ANXA6: variants seen among roughly 807,000 people sequenced by gnomAD.
The protein encoded by ANXA6 is 67 kDa calelectrin.
A neutral mutation model predicts 95.4 loss-of-function variants in ANXA6; 71 were observed. The observed-to-expected ratio is 0.74, with a 90% CI of 0.61 to 0.91. The LOEUF (loss-of-function observed/expected upper bound fraction) is 0.91. ANXA6 is among the 40% of genes least tolerant of loss of function. The pLI, the probability that ANXA6 is intolerant of heterozygous loss-of-function variation, is 0.00. For missense variants in ANXA6, 830 were observed against 876.4 expected, an observed-to-expected ratio of 0.95 and a Z score of 0.67; for synonymous variants, 289 against 315.9, an observed-to-expected ratio of 0.91 and a Z score of 0.90.
chr5:151,132,934 A>C (rs1227213586), intron 9 of ANXA6, among the ~76,000 whole-genome samples, 160 bp downstream of exon 9: 3 of 149,682 alleles, frequency 2.0e-5, no homozygotes, highest in East Asian at 2.1e-4. Flanking sequence ...CAAAAACCGC[A>C]GTTACTTTTG....
intron 3 of ANXA6, 138 bp from the exon 4 acceptor site, chr5:151,139,585 G>C (rs1276922737): frequency 1.5e-6 from 1 of 685,224 alleles, no homozygotes; most frequent in Non-Finnish European, 2.6e-6. Context: ...AGGTGCTGGT[G>C]TCAGGGCAGA....
intron 18 of ANXA6, among the ~76,000 whole-genome samples, chr5:151,119,001 C>A (rs1673534971): frequency 6.6e-6 from 1 of 152,158 alleles, no homozygotes; most frequent in South Asian, 2.1e-4. Flanking sequence ...GGCTGTGGGG[C>A]CCTGTAGAAC....
intron 1 of ANXA6, among the ~76,000 whole-genome samples, chr5:151,154,295 G>GTA (rs58268342): frequency 0.012 from 1,633 of 138,644 alleles, 9 homozygotes; most frequent in Non-Finnish European, 0.013. Context: ...GCAGTTTGCA[G>GTA]TATATATATA....
chr5:151,134,517 C>T (rs762984190), intron 7 of ANXA6, 34 bp from the exon 8 acceptor site: 2 of 1,612,442 alleles, frequency 1.2e-6, no homozygotes, highest in African/African-American at 2.7e-5. Context: ...GTGTTTCAAA[C>T]ACTGCAAAGT....
At position 151,103,705 on chromosome 5, in the gene ANXA6, G is replaced by A. The variant is rs1233878542; in HGVS notation, c.1840-13C>T. 6.2e-7 allele frequency: 1 copy of A among 1,604,420 alleles called. No homozygotes were observed. Among genetic ancestry groups the A allele is most frequent in the South Asian group, 1.1e-5 (1 of 89,282 alleles). On this transcript the variant is annotated splice_polypyrimidine_tract_variant and intron_variant, in intron 24 of 25. Transcript: ENST00000354546. Reference sequence around the variant, plus strand: ...CTGTGCCAGCACCCTGGTGGAGCCAGGCAGGAGGGAGACACAGGCGGAAGG... The same window carrying A: ...CTGTGCCAGCACCCTGGTGGAGCCAAGCAGGAGGGAGACACAGGCGGAAGG...
chr5:151,126,298 G>A (rs540901810), intron 14 of ANXA6, 104 bp downstream of exon 14: 15 of 929,104 alleles, frequency 1.6e-5, no homozygotes, highest in African/African-American at 3.3e-5. Flanking sequence ...TCAACGTGTC[G>A]GGTTGGCCGC....
Position 151,137,429 on chromosome 5 carries a change from G to T in ANXA6, c.319-108C>A. ...GCTATGACACCCCAGGACTCAGGAG[G>T]TTCCTACCCAGCTCTTAGGCACTGA... On this transcript the variant is annotated intron_variant, in intron 5 of 25. Coordinates refer to ENST00000354546, the MANE Select transcript of ANXA6 (RefSeq NM_001155.5). The T allele has an allele frequency of 4.0e-6, 3 of 755,762 alleles. No individual in the cohort carries two copies. In the South Asian group the frequency reaches 5.5e-5, roughly 14 times the overall value. The allele number at this position is 755,762 out of a possible 1,614,324, so 46.8% of individuals were successfully genotyped here.
At chr5:151,102,739 G>A (rs1032020759) in intron 25 of ANXA6, among the ~76,000 whole-genome samples, 3 of 151,990 alleles carry the variant, frequency 2.0e-5, no homozygotes, top group Admixed American at 6.6e-5. Flanking sequence ...CAGACACAAA[G>A]GGTCACATAT....
intron 2 of ANXA6, 68 bp downstream of exon 2, chr5:151,147,816 G>T: frequency 1.3e-6 from 2 of 1,539,986 alleles, no homozygotes; most frequent in South Asian, 2.4e-5. Flanking sequence ...AGCAGGCCTA[G>T]TGGCTCCAGG....
chr5:151,122,182 G>C lies in ANXA6; in HGVS notation c.1312C>G (p.His438Asp), dbSNP rs1030678495. ...TTCTTCAACTGCTTGGCATCGTAAT[G>C]GGCCGGTGGCATCATGAGCCCCAGA... ...LILGLMMPPA[H>D]YDAKQLKKAM... The change falls in exon 17 of 26, where the codon CAT (histidine) becomes GAT (aspartate). Residue 438 changes from histidine to aspartate, a missense_variant. Transcript: ENST00000354546. 10 of 1,600,604 alleles carry C rather than the reference G, an allele frequency of 6.2e-6. No homozygotes were observed. Among genetic ancestry groups the C allele is most frequent in the African/African-American group, 1.4e-5 (1 of 73,932 alleles).
rs756938308 is a variant in ANXA6, at chr5:151,119,385, G to A, written c.1353C>T (p.Ala451=). The change falls in exon 18 of 26, where the codon GCC becomes GCT. Residue 451 remains alanine (A), a synonymous_variant. Transcript: ENST00000354546. ...CAATAAGAGCCTTTTCATCTGTGCCGGCTCCCTGGAATGTCAAGGCAAAGA... is the reference window on the plus strand; with the variant it reads ...CAATAAGAGCCTTTTCATCTGTGCCAGCTCCCTGGAATGTCAAGGCAAAGA... ...AKQLKKAMEG[A]GTDEKALIEI... 29 of 1,613,688 alleles carry A rather than the reference G, an allele frequency of 1.8e-5. No homozygotes were observed. Among genetic ancestry groups the A allele is most frequent in the African/African-American group, 5.3e-5 (4 of 75,022 alleles).
intron 13 of ANXA6, among the ~76,000 whole-genome samples, chr5:151,127,437 C>A: frequency 6.6e-6 from 1 of 152,232 alleles, no homozygotes; most frequent in Non-Finnish European, 1.5e-5. Context: ...TGCCTTATTT[C>A]TCTCTCTAGT....
rs185182572 is a variant in ANXA6 at position 151,101,845 on chromosome 5, C to A, written c.1963-338G>T. 1.6e-4 allele frequency among the ~76,000 whole-genome samples: 24 copies of A among 152,324 alleles called. No individual in the cohort carries two copies. The East Asian group carries it at 3.1e-3, about 20-fold the overall frequency. ...CTCCCCTGTCCAACATGCCCCTGTG[C>A]ACCCCCAATCCCATTTGCCAGCAGG... is the stretch of plus-strand genomic sequence containing the variant. On this transcript the variant is annotated intron_variant, in intron 25 of 25. Transcript: ENST00000354546.
intron 1 of ANXA6, among the ~76,000 whole-genome samples, chr5:151,156,541 A>T (rs1766242118): frequency 6.6e-6 from 1 of 152,132 alleles, no homozygotes; most frequent in Non-Finnish European, 1.5e-5. Flanking sequence ...TGTTTTGGGC[A>T]AGGGGGAAGG....
At chr5:151,126,077 G>A (rs1336305936) in intron 14 of ANXA6, among the ~76,000 whole-genome samples, 1 of 152,166 alleles carries the variant, frequency 6.6e-6, no homozygotes, top group African/African-American at 2.4e-5. Context: ...ATGCCCATCT[G>A]TTCTCAGCTT....
intron 2 of ANXA6, among the ~76,000 whole-genome samples, chr5:151,142,689 G>A (rs1765868995): frequency 6.6e-6 from 1 of 152,212 alleles, no homozygotes; most frequent in African/African-American, 2.4e-5. Flanking sequence ...GGAAGTAACT[G>A]TGACTGGGCT....
intron 2 of ANXA6, chr5:151,141,687 A>G (rs1420403814): frequency 4.1e-6 from 4 of 985,332 alleles, no homozygotes; most frequent in Admixed American, 6.1e-5. Flanking sequence ...TGAGGTATGC[A>G]TGCGTCGGCG....
intron 21 of ANXA6, 132 bp from the exon 22 acceptor site, chr5:151,109,978 C>T (rs1026080921): frequency 4.4e-5 from 29 of 665,370 alleles, no homozygotes; most frequent in Non-Finnish European, 7.2e-5. Flanking sequence ...CCAAGGGGGC[C>T]GAGACTGGTC....
Position 151,142,205 on chromosome 5 carries a change from C to T in ANXA6, c.19-1962G>A, listed in dbSNP as rs182710986. 6.8e-3 allele frequency among the ~76,000 whole-genome samples: 1,032 copies of T among 152,350 alleles called. 13 individuals carry two copies. Among genetic ancestry groups the T allele is most frequent in the African/African-American group, 0.023 (963 of 41,578 alleles). The stretch of plus-strand genomic sequence containing the variant: ...GATGGAGAAACAAGAGGTGCCTGGG[C>T]ACAGTGGCTCATGCCTGTAATCCCA... On this transcript the variant is annotated intron_variant, in intron 2 of 25. Coordinates refer to ENST00000354546, the MANE Select transcript of ANXA6 (RefSeq NM_001155.5).
Sources: gnomAD v4.1 joint callset for allele counts (sites outside exome capture counted in the v4.1 genomes callset) on GRCh38, gnomAD v4.1.1 for gene constraint, MANE v1.5 for transcripts, NCBI Gene and HGNC (gene_info 2026-07-23, HGNC 2026-07-21) for gene names.